PWWP2A: variants seen among roughly 807,000 people sequenced by gnomAD.
PWWP2A encodes the protein PWWP domain containing 2A, also known as PWWP domain-containing protein 2A.
A neutral mutation model predicts 48.5 loss-of-function variants in PWWP2A; 18 were observed. The observed-to-expected ratio is 0.37, with a 90% CI of 0.26 to 0.55. The LOEUF (loss-of-function observed/expected upper bound fraction) is 0.55, where lower values mean the gene tolerates loss of function less well. PWWP2A is among the 20% of genes least tolerant of loss of function. PWWP2A has a pLI of 0.81. For missense variants in PWWP2A, 867 were observed against 976.4 expected (o/e 0.89, Z 1.49); for synonymous variants, 396 against 387.7 (o/e 1.02, Z -0.25).
downstream of PWWP2A, among the ~76,000 whole-genome samples, chr5:160,059,229 A>G (rs1287493203): frequency 6.6e-6 from 1 of 152,210 alleles, no homozygotes; most frequent in Admixed American, 6.5e-5. Context: ...TAGTGTAGCC[A>G]CCTTCATCAG....
intron 1 of PWWP2A, among the ~76,000 whole-genome samples, chr5:160,106,694 G>A (rs1432840479): frequency 2.0e-5 from 3 of 151,960 alleles, no homozygotes; most frequent in African/African-American, 2.4e-5. Context: ...ATAGATTCAG[G>A]AAATCATTTG....
At position 160,119,173 on chromosome 5, in the gene PWWP2A, C is replaced by T. The variant is rs1258919393; in HGVS notation, c.216G>A (p.Pro72=). 4.0e-6 allele frequency: 6 copies of T among 1,509,526 alleles called. No homozygotes were observed. The highest frequency in any genetic ancestry group is 2.5e-5 in the South Asian group (2 of 78,912). 93.5% of individuals were successfully genotyped at this position (1,509,526 alleles called of 1,614,324 possible). A position where few individuals can be genotyped will look rare whatever the true frequency, so the allele number is the denominator to read the frequency against. The change falls in exon 1 of 2, where the codon CCG becomes CCA. Residue 72 remains proline, a synonymous_variant. Coordinates refer to ENST00000307063, the MANE Select transcript of PWWP2A (RefSeq NM_001130864.2). ...QADEPPLPPP[P]PPPGELARSP... ...TGCGGGCGAGCTCCCCCGGCGGCGGCGGTGGCGGCGGGAGCGGCGGCTCGT... is the reference window on the plus strand; with the variant it reads ...TGCGGGCGAGCTCCCCCGGCGGCGGTGGTGGCGGCGGGAGCGGCGGCTCGT...
At chr5:160,076,869 G>A (rs1427225206) in exon 4 of PWWP2A, 3 of 151,812 alleles carry the variant, frequency 2.0e-5, no homozygotes, top group Non-Finnish European at 4.4e-5. Context: ...TCCCTTTTTT[G>A]TAGTAAGTAA....
chr5:160,115,029 C>T (rs1422975476), intron 1 of PWWP2A, among the ~76,000 whole-genome samples: 2 of 149,098 alleles, frequency 1.3e-5, no homozygotes, highest in Non-Finnish European at 3.0e-5. Context: ...CCCAGCTACT[C>T]AGGAGGCTGA....
the PWWP2A span, among the ~76,000 whole-genome samples, chr5:160,051,922 A>G: frequency 6.6e-6 from 1 of 152,254 alleles, no homozygotes; most frequent in Non-Finnish European, 1.5e-5. Flanking sequence ...ATAAACTGCA[A>G]TCATGTGGCC....
the PWWP2A span, chr5:160,051,099 A>C: frequency 2.2e-6 from 3 of 1,388,448 alleles, no homozygotes; most frequent in South Asian, 1.5e-5. Flanking sequence ...TTTTTTTTTT[A>C]CCAACCCTTG....
Position 160,092,348 on chromosome 5 carries a change from C to T in PWWP2A, c.*34G>A, listed in dbSNP as rs1437813332. 1.1e-5 allele frequency: 17 copies of T among 1,492,510 alleles called. No homozygotes were observed. The South Asian group carries it at 2.0e-4, about 18-fold the overall frequency. The allele number at this position is 1,492,510 out of a possible 1,614,324, so 92.5% of individuals were successfully genotyped here. On this transcript the variant is annotated 3_prime_UTR_variant, in exon 2 of 2. Coordinates refer to ENST00000307063, the MANE Select transcript of PWWP2A (RefSeq NM_001130864.2). The stretch of plus-strand genomic sequence containing the variant: ...AACTAGACTAGAAAATCTGTGGTGA[C>T]TTCCAATGGTCTTGCCTACCTTACT...
downstream of PWWP2A, among the ~76,000 whole-genome samples, chr5:160,059,617 T>C (rs888412636): frequency 2.6e-5 from 4 of 152,214 alleles, no homozygotes; most frequent in Admixed American, 2.0e-4. Flanking sequence ...AATATTGTTG[T>C]GGCTTAGGGA....
downstream of PWWP2A, among the ~76,000 whole-genome samples, chr5:160,087,204 C>G (rs1315336295): frequency 6.6e-6 from 1 of 152,024 alleles, no homozygotes; most frequent in Non-Finnish European, 1.5e-5. Flanking sequence ...CAAAGGGAGA[C>G]TTTGTCTCTA....
chr5:160,089,582 T>C (rs1271780552), downstream of PWWP2A: 2 of 1,288,726 alleles, frequency 1.6e-6, no homozygotes, highest in African/African-American at 1.5e-5. Flanking sequence ...TCCTTCCAAA[T>C]GATTAGTCAG....
chr5:160,052,054 G>GCCA, the PWWP2A span, among the ~76,000 whole-genome samples: 1 of 152,242 alleles, frequency 6.6e-6, no homozygotes, highest in Admixed American at 6.5e-5. Flanking sequence ...AGTTGATTGA[G>GCCA]AGGAGGCCAT....
downstream of PWWP2A, among the ~76,000 whole-genome samples, chr5:160,074,237 G>A (rs763862127): frequency 5.3e-5 from 8 of 151,610 alleles, no homozygotes; most frequent in African/African-American, 1.2e-4. Context: ...TCAGGAGTTC[G>A]AGACCAGCCT....
At chr5:160,112,749 T>C (rs575339531) in intron 1 of PWWP2A, among the ~76,000 whole-genome samples, 76 of 152,116 alleles carry the variant, frequency 5.0e-4, no homozygotes, top group South Asian at 8.3e-4. Flanking sequence ...TGTGTCTAAG[T>C]GAACTGCCCA....
chr5:160,112,525 C>A (rs1293044391), intron 1 of PWWP2A, among the ~76,000 whole-genome samples: 1 of 151,978 alleles, frequency 6.6e-6, no homozygotes, highest in Non-Finnish European at 1.5e-5. Context: ...CCCGGCCAGG[C>A]ATCCAGTGTT....
At chr5:160,046,962 A>C in the PWWP2A span, among the ~76,000 whole-genome samples, 1 of 152,194 alleles carries the variant, frequency 6.6e-6, no homozygotes, top group South Asian at 2.1e-4. Context: ...CAGTGAGCCG[A>C]GATCACGCCA....
downstream of PWWP2A, among the ~76,000 whole-genome samples, chr5:160,072,402 C>T (rs904337111): frequency 6.6e-6 from 1 of 152,114 alleles, no homozygotes; most frequent in African/African-American, 2.4e-5. Context: ...ATAACGTTAG[C>T]GCATGAGAAT....
intron 4 of PWWP2A, among the ~76,000 whole-genome samples, chr5:160,064,050 C>A (rs548520566): frequency 4.1e-5 from 6 of 148,054 alleles, no homozygotes; most frequent in African/African-American, 1.5e-4. Flanking sequence ...CTCACTGCAA[C>A]CTCTGCCTCC....
At position 160,091,929 on chromosome 5, in the gene PWWP2A, ATC is replaced by A; in HGVS notation, c.*451_*452del. ...CCCTTATTGCAATCCCAAATATGCA[ATC>A]TGTGTCACACAGTGACAGGCTGTAT... On this transcript the variant is annotated 3_prime_UTR_variant, in exon 2 of 2. Transcript: ENST00000307063. 1.0e-6 allele frequency: 1 copy of A among 982,744 alleles called. No individual in the cohort carries two copies. Among genetic ancestry groups the A allele is most frequent in the Non-Finnish European group, 1.2e-6 (1 of 828,508 alleles). 60.9% of individuals were successfully genotyped at this position (982,744 alleles called of 1,614,324 possible). A position where few individuals can be genotyped will look rare whatever the true frequency, so the allele number is the denominator to read the frequency against.
downstream of PWWP2A, among the ~76,000 whole-genome samples, chr5:160,061,208 A>G (rs1289134134): frequency 2.0e-5 from 3 of 152,180 alleles, no homozygotes; most frequent in Admixed American, 1.3e-4. Flanking sequence ...CACGGACAGC[A>G]CCTCTGTCTC....
Sources: allele counts gnomAD v4.1 joint callset (sites outside exome capture counted in the v4.1 genomes callset), GRCh38; gene constraint gnomAD v4.1.1; transcripts MANE v1.5; gene names NCBI Gene and HGNC (gene_info 2026-07-23, HGNC 2026-07-21).